Variants in MTRR observed in about 807,000 individuals in gnomAD.
The protein encoded by MTRR is methionine synthase reductase.
A neutral mutation model predicts 79.2 loss-of-function variants in MTRR; 63 were observed. That is an observed-to-expected ratio of 0.80 (90% CI 0.65 to 0.98). MTRR has a LOEUF of 0.98. Among genes scored for constraint, MTRR ranks in the 50% least tolerant of loss-of-function variants. The probability of loss-of-function intolerance (pLI) is 0.00; values close to 1 mark genes in which losing one functional copy is unlikely to be tolerated. For synonymous variants in MTRR, 355 were observed against 313.3 expected, an observed-to-expected ratio of 1.13 and a Z score of -1.41; for missense variants, 895 against 839.6, an observed-to-expected ratio of 1.07 and a Z score of -0.82.
At chr5:7,879,040 C>T (rs964713575) in intron 5 of MTRR, among the ~76,000 whole-genome samples, 2 of 152,130 alleles carry the variant, frequency 1.3e-5, no homozygotes, top group Non-Finnish European at 1.5e-5. Flanking sequence ...TGTATATTAG[C>T]ACTGTTTGTA....
chr5:7,899,219 C>T (rs939110587), intron 14 of MTRR, among the ~76,000 whole-genome samples: 4 of 152,166 alleles, frequency 2.6e-5, no homozygotes, highest in African/African-American at 9.7e-5. Context: ...CTGGGAACCA[C>T]ATTTTAACAT....
chr5:7,884,491 A>G (rs778548064), intron 6 of MTRR, among the ~76,000 whole-genome samples: 1 of 152,162 alleles, frequency 6.6e-6, no homozygotes, highest in Non-Finnish European at 1.5e-5. Context: ...TTTTAAGTTT[A>G]CATTATTTTT....
intron 10 of MTRR, 94 bp downstream of exon 10, chr5:7,891,508 G>A: frequency 9.5e-7 from 1 of 1,057,918 alleles, no homozygotes; most frequent in Non-Finnish European, 1.5e-6. Context: ...TTTATTCAGT[G>A]AAAACTTACC....
intron 2 of MTRR, chr5:7,862,768 C>CA (rs1746642882): frequency 6.8e-7 from 1 of 1,475,394 alleles, no homozygotes; most frequent in Admixed American, 2.0e-5. Flanking sequence ...CATATATCTC[C>CA]AAAATCGAAC....
At chr5:7,850,931 TGTA>T (rs1219372175), upstream of MTRR, 1 of 1,358,004 alleles carries the variant, frequency 7.4e-7, no homozygotes, top group Non-Finnish European at 9.5e-7. Flanking sequence ...CGCGGCGGGA[TGTA>T]GCTGAAGGCG....
In MTRR at chr5:7,895,847, A is replaced by G. The variant is rs1053675446; in HGVS notation, c.1671A>G (p.Gln557=). 1.2e-6 allele frequency: 2 copies of G among 1,614,120 alleles called. No individual in the cohort carries two copies. The highest frequency in any genetic ancestry group is 1.1e-5 in the South Asian group (1 of 91,072). ...TAGCCCCGTTTATTGGGTTCCTACA[A>G]CATAGGTATGTTCTTTTTTTGGCTA... ...TGIAPFIGFL[Q]HREKLQEQHP... The change falls in exon 12 of 15, where the codon CAA becomes CAG. Residue 557 remains glutamine (Q), a synonymous_variant. Coordinates refer to ENST00000440940, the MANE Select transcript of MTRR (RefSeq NM_002454.3).
chr5:7,872,774 T>A (rs1015723972), intron 2 of MTRR, among the ~76,000 whole-genome samples: 1 of 152,228 alleles, frequency 6.6e-6, no homozygotes, highest in African/African-American at 2.4e-5. Context: ...TCCTGAGTGC[T>A]TATGTATCAG....
At chr5:7,876,238 C>T (rs1395702379) in intron 4 of MTRR, among the ~76,000 whole-genome samples, 2 of 152,182 alleles carry the variant, frequency 1.3e-5, no homozygotes, top group Non-Finnish European at 2.9e-5. Context: ...GGGTTTTTTC[C>T]ATATCGCCAG....
chr5:7,896,774 C>CT (rs1356016721), intron 12 of MTRR, 90 bp from the exon 13 acceptor site: 16 of 988,152 alleles, frequency 1.6e-5, no homozygotes, highest in African/African-American at 6.4e-5. Flanking sequence ...ACAAATCCGT[C>CT]TGAGTTTGTT....
chr5:7,891,158 GC>G (rs1737476625), intron 9 of MTRR, among the ~76,000 whole-genome samples: 4 of 151,978 alleles, frequency 2.6e-5, no homozygotes, highest in Non-Finnish European at 4.4e-5. Flanking sequence ...GTAAGAAAAT[GC>G]ATCTTATCTG....
intron 1 of MTRR, chr5:7,859,016 C>CT (rs1364183320): frequency 6.6e-6 from 1 of 152,380 alleles, no homozygotes; most frequent in Non-Finnish European, 1.5e-5. Context: ...GCACTGTACT[C>CT]TATTTCTCAT....
chr5:7,898,613 A>G (rs1738936016), intron 14 of MTRR, among the ~76,000 whole-genome samples: 1 of 152,164 alleles, frequency 6.6e-6, no homozygotes, highest in Admixed American at 6.5e-5. Context: ...GCTGTTTCAG[A>G]GAGGGAGCCT....
intron 1 of MTRR, among the ~76,000 whole-genome samples, chr5:7,857,745 C>G (rs554392048): frequency 1.3e-5 from 2 of 152,302 alleles, no homozygotes; most frequent in South Asian, 2.1e-4. Flanking sequence ...CTATTTGGCC[C>G]TAGAGCTGGA....
At chr5:7,886,302 T>C (rs1736423216) in intron 7 of MTRR, among the ~76,000 whole-genome samples, 1 of 152,166 alleles carries the variant, frequency 6.6e-6, no homozygotes, top group Admixed American at 6.5e-5. Context: ...TAGTCCTAAA[T>C]TGATTTTTTG....
At chr5:7,862,883 GGTTA>G in intron 2 of MTRR, 1 of 1,614,032 alleles carries the variant, frequency 6.2e-7, no homozygotes, top group Non-Finnish European at 8.5e-7. Context: ...GCTCCTAAAA[GGTTA>G]GTCAGCCCAA....
upstream of MTRR, chr5:7,867,120 C>T: frequency 6.2e-7 from 1 of 1,614,168 alleles, no homozygotes; most frequent in South Asian, 1.1e-5. Context: ...TGCCTCACGA[C>T]ATATTTGCCC....
chr5:7,871,443 C>A (rs936154273), intron 2 of MTRR, among the ~76,000 whole-genome samples: 1 of 152,194 alleles, frequency 6.6e-6, no homozygotes, highest in Non-Finnish European at 1.5e-5. Flanking sequence ...TGCAGAAGTT[C>A]CTACCTTAGG....
Position 7,869,970 on chromosome 5 carries a change from C to A in MTRR, c.-26+755C>A, listed in dbSNP as rs326119. 0.52 allele frequency: 498,985 copies of A among 967,338 alleles called. 130,365 individuals carry two copies. Among genetic ancestry groups the A allele is most frequent in the African/African-American group, 0.67 (37,946 of 56,890 alleles). 59.9% of individuals were successfully genotyped at this position (967,338 alleles called of 1,614,324 possible). A position where few individuals can be genotyped will look rare whatever the true frequency, so the allele number is the denominator to read the frequency against. On this transcript the variant is annotated intron_variant, in intron 1 of 14. Transcript: ENST00000440940. ...GGCGGTTCATTCACCGAAAGCCAAG[C>A]TTTTGGTTTGGGTTTCAGTTTAAAT...
At position 7,875,367 on chromosome 5, in the gene MTRR, C is replaced by T. The variant is rs773670871; in HGVS notation, c.393C>T (p.Asp131=). ...RHFYDTGHAD[D]CVGLELVVEP... is the part of the protein sequence containing the mutation. The stretch of plus-strand genomic sequence containing the variant: ...TCTATGACACTGGACATGCAGATGA[C>T]TGTGTAGGGTAAGGGCAGTGTTCTC... Residue 131 remains aspartate (D), a synonymous_variant, in exon 4 of 15, where the codon GAC becomes GAT. Coordinates refer to ENST00000440940, the MANE Select transcript of MTRR (RefSeq NM_002454.3). The T allele has an allele frequency of 3.1e-6, 5 of 1,609,360 alleles. No homozygotes were observed. The highest frequency in any genetic ancestry group is 2.6e-6 in the Non-Finnish European group (3 of 1,175,716).
Sources: allele counts gnomAD v4.1 joint callset (sites outside exome capture counted in the v4.1 genomes callset), GRCh38; gene constraint gnomAD v4.1.1; transcripts MANE v1.5; gene names NCBI Gene and HGNC (gene_info 2026-07-23, HGNC 2026-07-21).